Variants in SMOX observed in about 807,000 individuals in gnomAD.
The protein encoded by SMOX is flavin containing amine oxidase.
In SMOX, 22 loss-of-function variants were observed where a neutral mutation model predicts 51.0. The ratio of observed to expected loss-of-function variants is 0.43; its 90% confidence interval spans 0.31 to 0.62. SMOX has a LOEUF of 0.62. Ranked by LOEUF, SMOX falls within the 20% of genes least tolerant of loss-of-function variation. SMOX has a pLI of 0.10. For synonymous variants in SMOX, 282 were observed against 307.8 expected, an observed-to-expected ratio of 0.92 and a Z score of 0.88; for missense variants, 566 against 777.7, an observed-to-expected ratio of 0.73 and a Z score of 3.24.
intron 1 of SMOX, among the ~76,000 whole-genome samples, chr20:4,174,824 C>A (rs1185913657): frequency 6.6e-6 from 1 of 152,150 alleles, no homozygotes; most frequent in Non-Finnish European, 1.5e-5. Context: ...TCCCTTCCTG[C>A]CACCTTCCCT....
Position 4,187,136 on chromosome 20 carries a change from A to G in SMOX, c.1531-134A>G. ...GGATGGGCAGCTCTTCATCCTGTGG[A>G]AGCAGCAGCACCTGCGTCTCAGAGC... On this transcript the variant is annotated intron_variant, in intron 6 of 6. Transcript: ENST00000305958. This position sits in a 1 kb window ranked among gnomAD's most constrained non-coding sequence, Gnocchi z 4.8. The G allele has an allele frequency of 4.3e-6, 5 of 1,160,902 alleles. No homozygotes were observed. The highest frequency in any genetic ancestry group is 3.1e-5 in the African/African-American group (2 of 64,466). The allele number at this position is 1,160,902 out of a possible 1,614,324, so 71.9% of individuals were successfully genotyped here. A position where few individuals can be genotyped will look rare whatever the true frequency, so the allele number is the denominator to read the frequency against.
Position 4,149,297 on chromosome 20 carries a change from G to A in SMOX, c.-27+320G>A, listed in dbSNP as rs1985605235. 6.6e-6 allele frequency among the ~76,000 whole-genome samples: 1 copy of A among 151,006 alleles called. No individual in the cohort carries two copies. The highest frequency in any genetic ancestry group is 6.6e-5 in the Admixed American group (1 of 15,194). On this transcript the variant is annotated intron_variant, in intron 1 of 6. Coordinates refer to ENST00000305958, the MANE Select transcript of SMOX (RefSeq NM_175839.3). The surrounding 1 kb of genome is among the most constrained non-coding windows in gnomAD (Gnocchi z 6.0). The stretch of plus-strand genomic sequence containing the variant: ...GGGCGCCGGGGGTAGAGGGCCGGAC[G>A]GACCCCCGGGCTACGTGCGGGAGGG...
At position 4,177,340 on chromosome 20, in the gene SMOX, G is replaced by T. The variant is rs1978941424; in HGVS notation, c.209-11G>T. The T allele has an allele frequency of 1.3e-6, 2 of 1,551,346 alleles. No homozygotes were observed. Among genetic ancestry groups the T allele is most frequent in the Non-Finnish European group, 8.7e-7 (1 of 1,146,734 alleles). ...CCTAAGCCTCTAAGGGCCTGCTGTTGTCACCCTCAGGACACGCCACCTTTG... is the reference window on the plus strand; with the variant it reads ...CCTAAGCCTCTAAGGGCCTGCTGTTTTCACCCTCAGGACACGCCACCTTTG... On this transcript the variant is annotated splice_polypyrimidine_tract_variant and intron_variant, in intron 2 of 6. Coordinates refer to ENST00000305958, the MANE Select transcript of SMOX (RefSeq NM_175839.3). This position sits in a 1 kb window ranked among gnomAD's most constrained non-coding sequence, Gnocchi z 4.3.
intron 1 of SMOX, among the ~76,000 whole-genome samples, chr20:4,152,699 T>G (rs880648): frequency 0.08 from 12,245 of 152,200 alleles, 532 homozygotes; most frequent in South Asian, 0.17. Context: ...CCCTGGTATA[T>G]TCACTGCATG....
In SMOX at chr20:4,153,075, G is replaced by C. The variant is rs776634679; in HGVS notation, c.-27+4098G>C. 6.6e-6 allele frequency among the ~76,000 whole-genome samples: 1 copy of C among 152,154 alleles called. No homozygotes were observed. The highest frequency in any genetic ancestry group is 1.5e-5 in the Non-Finnish European group (1 of 68,028). On this transcript the variant is annotated intron_variant, in intron 1 of 6. Transcript: ENST00000305958. The surrounding 1 kb of genome is among the most constrained non-coding windows in gnomAD (Gnocchi z 4.4). The stretch of plus-strand genomic sequence containing the variant: ...CTGGCCTTAGGGGCTGGGGAGGTGG[G>C]AAAGAAGGTAGAAGGGGTCCTCGCT...
intron 1 of SMOX, among the ~76,000 whole-genome samples, chr20:4,156,865 C>T (rs544651195): frequency 2.6e-5 from 4 of 152,300 alleles, no homozygotes; most frequent in African/African-American, 4.8e-5. Context: ...GCCTCAGCCT[C>T]CCGAGTAGCT....
At chr20:4,164,215 G>A (rs1182004410) in intron 1 of SMOX, among the ~76,000 whole-genome samples, 1 of 152,144 alleles carries the variant, frequency 6.6e-6, no homozygotes, top group Non-Finnish European at 1.5e-5. Flanking sequence ...TTCTGCAGGG[G>A]GATCTGTGAT....
chr20:4,163,765 C>T (rs1026892273), intron 1 of SMOX, among the ~76,000 whole-genome samples: 2 of 152,164 alleles, frequency 1.3e-5, no homozygotes, highest in African/African-American at 2.4e-5. Context: ...GGCTCAGTTC[C>T]GTGCCCTGTG....
rs1179876191 is a variant in SMOX, at chr20:4,175,242, C to G, written c.187C>G (p.Arg63Gly). The G allele has an allele frequency of 1.2e-6, 2 of 1,614,100 alleles. No individual in the cohort carries two copies. The highest frequency in any genetic ancestry group is 1.6e-4 in the Middle Eastern group (1 of 6,062). ...TGAGGCTTCCAGCCACATCGGAGGC[C>G]GTGTGCAGAGTGTGAAACTTGGTAA... ...VLEASSHIGG[R>G]VQSVKLGHAT... The change falls in exon 2 of 7, where the codon CGT becomes GGT. Residue 63 changes from arginine to glycine, a missense_variant. Around this residue, in one of 3 missense-constraint regions of SMOX, gnomAD observed 217 missense variants for 278.4 expected, o/e 0.78. Transcript: ENST00000305958.
Position 4,177,792 on chromosome 20 carries a change from A to G in SMOX, c.435+215A>G, listed in dbSNP as rs889638383. On this transcript the variant is annotated intron_variant, in intron 3 of 6. Coordinates refer to ENST00000305958, the MANE Select transcript of SMOX (RefSeq NM_175839.3). The surrounding 1 kb of genome is among the most constrained non-coding windows in gnomAD (Gnocchi z 4.3). ...TTTTAATTCTAATAATACATCTATT[A>G]TGTTAATTGTATTAATTTATATTCT... 6.6e-6 allele frequency among the ~76,000 whole-genome samples: 1 copy of G among 152,216 alleles called. No homozygotes were observed. Among genetic ancestry groups the G allele is most frequent in the Non-Finnish European group, 1.5e-5 (1 of 68,042 alleles).
At chr20:4,163,143 C>T (rs1986410737) in intron 1 of SMOX, among the ~76,000 whole-genome samples, 1 of 151,822 alleles carries the variant, frequency 6.6e-6, no homozygotes, top group African/African-American at 2.4e-5. Context: ...GTGGGCTGGC[C>T]AGGAGGCTGC....
chr20:4,163,100 C>T (rs1359525834), intron 1 of SMOX, among the ~76,000 whole-genome samples: 1 of 152,210 alleles, frequency 6.6e-6, no homozygotes, highest in Non-Finnish European at 1.5e-5. Flanking sequence ...GTCTCTGCCT[C>T]TTCCTCTCCG....
At chr20:4,155,773 T>G (rs762529912) in intron 1 of SMOX, among the ~76,000 whole-genome samples, 11 of 151,920 alleles carry the variant, frequency 7.2e-5, no homozygotes, top group Admixed American at 1.3e-4. Context: ...ACTGGTGGGT[T>G]GAGTCCCCCC....
At position 4,181,063 on chromosome 20, in the gene SMOX, G is replaced by A. The variant is rs748764352; in HGVS notation, c.436-740G>A. Among the ~76,000 whole-genome samples the A allele has an allele frequency of 6.6e-6, 1 of 152,308 alleles. No individual in the cohort carries two copies. Among genetic ancestry groups the A allele is most frequent in the Admixed American group, 6.5e-5 (1 of 15,304 alleles). On this transcript the variant is annotated intron_variant, in intron 3 of 6. Coordinates refer to ENST00000305958, the MANE Select transcript of SMOX (RefSeq NM_175839.3). The surrounding 1 kb of genome is among the most constrained non-coding windows in gnomAD (Gnocchi z 5.6). Reference sequence around the variant, plus strand: ...TATGAGACAGGCACGAGGGTCGGGCGGGCAGTCAGACCCCTTTTCAAGTGA... The same window carrying A: ...TATGAGACAGGCACGAGGGTCGGGCAGGCAGTCAGACCCCTTTTCAAGTGA...
rs1445396669 is a variant in SMOX, at chr20:4,167,172, G to T, written c.-26-7858G>T. 1.3e-5 allele frequency among the ~76,000 whole-genome samples: 2 copies of T among 152,230 alleles called. No homozygotes were observed. The highest frequency in any genetic ancestry group is 2.9e-5 in the Non-Finnish European group (2 of 68,040). On this transcript the variant is annotated intron_variant, in intron 1 of 6. Coordinates refer to ENST00000305958, the MANE Select transcript of SMOX (RefSeq NM_175839.3). This position sits in a 1 kb window ranked among gnomAD's most constrained non-coding sequence, Gnocchi z 4.8. Reference sequence around the variant, plus strand: ...GGATTGAGGGGCTCAGGCCGAGTCAGTATTGGGTTGGGGTCAGTCAGATAC... The same window carrying T: ...GGATTGAGGGGCTCAGGCCGAGTCATTATTGGGTTGGGGTCAGTCAGATAC...
At chr20:4,168,902 T>TTTATA (rs1986698846) in intron 1 of SMOX, among the ~76,000 whole-genome samples, 1 of 104,644 alleles carries the variant, frequency 9.6e-6, no homozygotes, top group Non-Finnish European at 1.7e-5. Context: ...TTTATTTTAT[T>TTTATA]TTATTTTATT....
intron 1 of SMOX, among the ~76,000 whole-genome samples, chr20:4,151,206 A>G (rs1985737609): frequency 6.6e-6 from 1 of 151,906 alleles, no homozygotes; most frequent in Non-Finnish European, 1.5e-5. Context: ...TTCTTTTCAC[A>G]ACGTTGATCT....
chr20:4,168,517 G>A (rs1274640007), intron 1 of SMOX, among the ~76,000 whole-genome samples: 2 of 152,098 alleles, frequency 1.3e-5, no homozygotes. Flanking sequence ...GCCTGTGTTC[G>A]GAGGGGGCCA....
chr20:4,187,512 T>C lies in SMOX; in HGVS notation c.*105T>C. On this transcript the variant is annotated 3_prime_UTR_variant, in exon 7 of 7. Coordinates refer to ENST00000305958, the MANE Select transcript of SMOX (RefSeq NM_175839.3). The surrounding 1 kb of genome is among the most constrained non-coding windows in gnomAD (Gnocchi z 4.8). ...TGATCCTCTGTAGAAAGGATTTTTA[T>C]CTTCTGTAGAGCTAGCCGCCCTGAC... The C allele has an allele frequency of 2.0e-6, 3 of 1,508,636 alleles. No homozygotes were observed. Among genetic ancestry groups the C allele is most frequent in the Non-Finnish European group, 2.7e-6 (3 of 1,120,358 alleles). 93.5% of individuals were successfully genotyped at this position (1,508,636 alleles called of 1,614,324 possible). A position where few individuals can be genotyped will look rare whatever the true frequency, so the allele number is the denominator to read the frequency against.
Sources: gnomAD v4.1 joint callset for allele counts (sites outside exome capture counted in the v4.1 genomes callset) on GRCh38, gnomAD v4.1.1 for gene constraint, gnomAD v4.1.1 regional missense constraint, Gnocchi (gnomAD v3.1) non-coding constraint, MANE v1.5 for transcripts, NCBI Gene and HGNC (gene_info 2026-07-23, HGNC 2026-07-21) for gene names.